The following PDE11A variants were observed in gnomAD, a reference collection of about 807,000 sequenced individuals.
PDE11A encodes the protein phosphodiesterase 11A.
A neutral mutation model predicts 100.5 loss-of-function variants in PDE11A; 100 were observed. The ratio of observed to expected loss-of-function variants is 1.00; its 90% CI spans 0.85 to 1.18. The LOEUF is 1.18. Ranked by LOEUF, PDE11A falls within the 50% of genes most tolerant of loss-of-function variation. The pLI is 0.00. For missense variants in PDE11A, 1,141 were observed against 1,152.6 expected, an observed-to-expected ratio of 0.99 and a Z score of 0.15; for synonymous variants, 381 against 420.8, an observed-to-expected ratio of 0.91 and a Z score of 1.16.
At chr2:177,740,941 A>T (rs2105464660) in intron 10 of PDE11A, among the ~76,000 whole-genome samples, 1 of 152,312 alleles carries the variant, frequency 6.6e-6, no homozygotes, top group Middle Eastern at 3.4e-3. Flanking sequence ...TGTGCATTTG[A>T]ATCTGAGTTT....
At chr2:177,841,173 T>C (rs913052718) in intron 5 of PDE11A, among the ~76,000 whole-genome samples, 2 of 152,204 alleles carry the variant, frequency 1.3e-5, no homozygotes, top group African/African-American at 4.8e-5. Flanking sequence ...CTGTAAGAAT[T>C]AGTTAATATC....
chr2:178,019,866 G>T (rs1411464037), intron 1 of PDE11A, among the ~76,000 whole-genome samples: 1 of 152,182 alleles, frequency 6.6e-6, no homozygotes, highest in Non-Finnish European at 1.5e-5. Flanking sequence ...TGAGATAAAG[G>T]TGAAAGTCTA....
At chr2:177,696,822 G>A (rs965774612) in intron 15 of PDE11A, among the ~76,000 whole-genome samples, 6 of 152,144 alleles carry the variant, frequency 3.9e-5, no homozygotes, top group African/African-American at 1.4e-4. Flanking sequence ...GATAGAGCAG[G>A]TCCCACTGGA....
intron 2 of PDE11A, among the ~76,000 whole-genome samples, chr2:178,082,774 C>A (rs1351924881): frequency 6.6e-6 from 1 of 152,210 alleles, no homozygotes; most frequent in African/African-American, 2.4e-5. Flanking sequence ...AAAACCCTCA[C>A]TGTGCATTCT....
At chr2:178,003,407 G>C (rs2086167643) in intron 2 of PDE11A, among the ~76,000 whole-genome samples, 1 of 152,162 alleles carries the variant, frequency 6.6e-6, no homozygotes, top group Non-Finnish European at 1.5e-5. Flanking sequence ...CTACAACATG[G>C]ATGAGTCTTG....
At chr2:177,895,461 G>A (rs565620944) in intron 4 of PDE11A, among the ~76,000 whole-genome samples, 2 of 152,030 alleles carry the variant, frequency 1.3e-5, no homozygotes, top group South Asian at 4.2e-4. Context: ...GACTGAGGCA[G>A]GAGAATTGCT....
At chr2:178,079,421 G>A (rs777500232) in intron 2 of PDE11A, among the ~76,000 whole-genome samples, 5 of 151,610 alleles carry the variant, frequency 3.3e-5, no homozygotes, top group South Asian at 2.1e-4. Context: ...TTAGTTTGCT[G>A]AGGATAATGG....
At chr2:177,959,051 T>A (rs1350994569) in intron 2 of PDE11A, among the ~76,000 whole-genome samples, 1 of 152,078 alleles carries the variant, frequency 6.6e-6, no homozygotes, top group Non-Finnish European at 1.5e-5. Flanking sequence ...ATAACTACGC[T>A]GCTATAAGAA....
intron 15 of PDE11A, among the ~76,000 whole-genome samples, chr2:177,695,180 T>A (rs1227550128): frequency 6.6e-6 from 1 of 151,998 alleles, no homozygotes; most frequent in Non-Finnish European, 1.5e-5. Context: ...ATAATTATTT[T>A]AAAAATATTT....
chr2:178,079,490 A>G (rs2087256671), intron 2 of PDE11A, among the ~76,000 whole-genome samples: 1 of 152,140 alleles, frequency 6.6e-6, no homozygotes, highest in Non-Finnish European at 1.5e-5. Flanking sequence ...TCATGGCTGC[A>G]TAGTATTTCA....
intron 2 of PDE11A, among the ~76,000 whole-genome samples, chr2:178,007,781 T>G (rs955703957): frequency 6.6e-6 from 1 of 152,192 alleles, no homozygotes; most frequent in African/African-American, 2.4e-5. Context: ...CTTGGCTCAC[T>G]GCAACCTCTG....
intron 12 of PDE11A, among the ~76,000 whole-genome samples, chr2:177,726,037 C>T (rs1199238605): frequency 6.6e-6 from 1 of 152,068 alleles, no homozygotes; most frequent in African/African-American, 2.4e-5. Context: ...GTACACAAAA[C>T]ATTATACCTT....
intron 2 of PDE11A, among the ~76,000 whole-genome samples, chr2:178,100,094 G>A (rs1466843786): frequency 5.3e-5 from 8 of 152,116 alleles, no homozygotes; most frequent in Non-Finnish European, 1.0e-4. Context: ...AATGTCAGTC[G>A]CCAGGGGCTA....
intron 2 of PDE11A, among the ~76,000 whole-genome samples, chr2:178,002,091 C>T (rs2086151937): frequency 6.6e-6 from 1 of 152,174 alleles, no homozygotes; most frequent in East Asian, 1.9e-4. Flanking sequence ...CTAGTAGTCC[C>T]CATTGTCTAT....
intron 1 of PDE11A, among the ~76,000 whole-genome samples, chr2:178,036,605 C>T (rs1316616408): frequency 1.3e-5 from 2 of 152,150 alleles, no homozygotes; most frequent in South Asian, 2.1e-4. Flanking sequence ...ACATGTCATG[C>T]TACCTGACTT....
intron 2 of PDE11A, among the ~76,000 whole-genome samples, chr2:177,910,571 G>A (rs1399584782): frequency 6.6e-6 from 1 of 152,006 alleles, no homozygotes; most frequent in East Asian, 1.9e-4. Context: ...GGTCTAAAAA[G>A]CCTTAATGAC....
chr2:177,810,375 C>A (rs1376181603), intron 9 of PDE11A, among the ~76,000 whole-genome samples: 1 of 152,130 alleles, frequency 6.6e-6, no homozygotes, highest in Non-Finnish European at 1.5e-5. Flanking sequence ...TATGTTTCAG[C>A]AGAGGTAAAC....
intron 5 of PDE11A, among the ~76,000 whole-genome samples, chr2:177,843,338 G>C (rs1045761163): frequency 6.6e-6 from 1 of 152,150 alleles, no homozygotes; most frequent in African/African-American, 2.4e-5. Context: ...GTTATAGCAA[G>C]AATAGTGGGT....
chr2:177,707,324 T>G (rs895480866), intron 13 of PDE11A, among the ~76,000 whole-genome samples: 23 of 152,196 alleles, frequency 1.5e-4, no homozygotes, highest in Admixed American at 1.4e-3. Context: ...GAAGTGTTAG[T>G]TGCAAAGAAC....
Sources: gnomAD v4.1 joint callset for allele counts (sites outside exome capture counted in the v4.1 genomes callset) on GRCh38, gnomAD v4.1.1 for gene constraint, MANE v1.5 for transcripts, NCBI Gene and HGNC (gene_info 2026-07-23, HGNC 2026-07-21) for gene names.